Variants in UNC13C observed in about 807,000 individuals in gnomAD.
UNC13C encodes the protein unc-13 homolog C, also known as protein unc-13 homolog C.
In UNC13C, 174 loss-of-function variants were observed where a neutral mutation model predicts 245.4. The ratio of observed to expected loss-of-function variants is 0.71; its 90% CI spans 0.63 to 0.80. UNC13C has a LOEUF of 0.80. Among genes scored for constraint, UNC13C ranks in the 30% least tolerant of loss-of-function variants. The probability of loss-of-function intolerance (pLI) is 0.00; values close to 1 mark genes in which losing one functional copy is unlikely to be tolerated. For synonymous variants in UNC13C, 992 were observed against 895.1 expected, an observed-to-expected ratio of 1.11 and a Z score of -1.93; for missense variants, 2,829 against 2,602.9, an observed-to-expected ratio of 1.09 and a Z score of -1.89.
intron 13 of UNC13C, among the ~76,000 whole-genome samples, chr15:54,301,911 T>C (rs2037594156): frequency 6.6e-6 from 1 of 152,188 alleles, no homozygotes. Context: ...ATCAACAGTG[T>C]AAAAGCATTC....
At chr15:54,098,699 A>T (rs2141150702) in intron 2 of UNC13C, among the ~76,000 whole-genome samples, 1 of 152,330 alleles carries the variant, frequency 6.6e-6, no homozygotes, top group Middle Eastern at 3.4e-3. Flanking sequence ...ACAGCTGATA[A>T]ATGTGTACTG....
At chr15:54,057,600 A>C (rs536467395) in intron 2 of UNC13C, among the ~76,000 whole-genome samples, 96 of 152,326 alleles carry the variant, frequency 6.3e-4, no homozygotes, top group African/African-American at 2.1e-3. Context: ...TCAGCTCTGC[A>C]CCAAGTGGAC....
chr15:53,899,842 T>A, the UNC13C span, among the ~76,000 whole-genome samples: 8 of 152,180 alleles, frequency 5.3e-5, no homozygotes, highest in Non-Finnish European at 1.2e-4. Flanking sequence ...GCAGTCTCTC[T>A]GCTTCTGAGA....
intron 29 of UNC13C, among the ~76,000 whole-genome samples, chr15:54,561,754 A>G (rs78172840): frequency 0.025 from 3,760 of 152,118 alleles, 80 homozygotes; most frequent in East Asian, 0.12. Flanking sequence ...CCAATAGGGA[A>G]TCTTAAGGAA....
At chr15:54,110,422 G>A (rs752452410) in intron 2 of UNC13C, among the ~76,000 whole-genome samples, 3 of 152,076 alleles carry the variant, frequency 2.0e-5, no homozygotes, top group African/African-American at 7.2e-5. Flanking sequence ...CTGTTTGTTA[G>A]GTCAAATGAG....
chr15:54,384,735 C>A (rs1477964540), intron 17 of UNC13C, among the ~76,000 whole-genome samples: 2 of 151,926 alleles, frequency 1.3e-5, no homozygotes, highest in African/African-American at 4.8e-5. Flanking sequence ...TCCTCTTGAA[C>A]TAAAGAAAAT....
In UNC13C at chr15:54,291,015, TTCTA is replaced by T. The variant is rs959144333; in HGVS notation, c.3819-2876_3819-2873del. Among the ~76,000 whole-genome samples the T allele has an allele frequency of 5.3e-5, 8 of 152,208 alleles. No individual in the cohort carries two copies. In the South Asian group the frequency reaches 6.2e-4, roughly 12 times the overall value. On this transcript the variant is annotated intron_variant, in intron 10 of 32. Transcript: ENST00000260323. Reference sequence around the variant, plus strand: ...GTATCTTTTGCTACTCTAAAATGCCTTCTATCTTTTTCTAAGATAAGAATGAAAT... The same window carrying T: ...GTATCTTTTGCTACTCTAAAATGCCTTCTTTTTCTAAGATAAGAATGAAAT...
chr15:53,864,723 C>A, the UNC13C span, among the ~76,000 whole-genome samples: 5 of 152,168 alleles, frequency 3.3e-5, no homozygotes, highest in Non-Finnish European at 4.4e-5. Context: ...GAAATACCCT[C>A]TTCCTAGATT....
At chr15:54,503,418 C>T (rs1431073861) in intron 22 of UNC13C, among the ~76,000 whole-genome samples, 1 of 142,484 alleles carries the variant, frequency 7.0e-6, no homozygotes, top group African/African-American at 2.6e-5. Context: ...ATCCATTTTA[C>T]CATTATCAGC....
intron 18 of UNC13C, among the ~76,000 whole-genome samples, chr15:54,413,371 A>G (rs1451477619): frequency 6.6e-6 from 1 of 152,114 alleles, no homozygotes; most frequent in Non-Finnish European, 1.5e-5. Context: ...AAGTACTCTT[A>G]TTATATCACT....
chr15:53,853,999 T>TGAGA, the UNC13C span, among the ~76,000 whole-genome samples: 1 of 152,194 alleles, frequency 6.6e-6, no homozygotes, highest in African/African-American at 2.4e-5. Context: ...TTTAGTTTAA[T>TGAGA]GAGATCCCAT....
intron 26 of UNC13C, among the ~76,000 whole-genome samples, chr15:54,543,086 C>T (rs1896321024): frequency 6.6e-6 from 1 of 152,134 alleles, no homozygotes. Context: ...GCAGTTTCTT[C>T]ATAGTGTCAA....
chr15:54,223,183 T>A (rs968565459), intron 4 of UNC13C, among the ~76,000 whole-genome samples: 1 of 151,784 alleles, frequency 6.6e-6, no homozygotes, highest in Admixed American at 6.6e-5. Context: ...CCAATGTCCT[T>A]GAGAGTTTCC....
chr15:53,856,692 G>C, the UNC13C span, among the ~76,000 whole-genome samples: 11 of 152,112 alleles, frequency 7.2e-5, no homozygotes, highest in Non-Finnish European at 1.5e-4. Flanking sequence ...ATTTGCTGAG[G>C]AGTGTTTTCA....
chr15:54,399,378 T>C (rs1327187107), intron 18 of UNC13C, among the ~76,000 whole-genome samples: 1 of 151,752 alleles, frequency 6.6e-6, no homozygotes, highest in Non-Finnish European at 1.5e-5. Context: ...TGCCTAAAAG[T>C]AAGAAATCTT....
At chr15:53,955,538 A>T in the UNC13C span, among the ~76,000 whole-genome samples, 1 of 152,338 alleles carries the variant, frequency 6.6e-6, no homozygotes, top group South Asian at 2.1e-4. Context: ...TGGCTGAAAC[A>T]CAATGAAAGT....
intron 19 of UNC13C, among the ~76,000 whole-genome samples, chr15:54,480,086 C>A (rs1168838554): frequency 2.0e-5 from 3 of 152,014 alleles, no homozygotes; most frequent in African/African-American, 7.2e-5. Flanking sequence ...TTTTTCCTTA[C>A]TGTTTGGAGA....
chr15:54,415,370 A>T (rs920055067), intron 19 of UNC13C, among the ~76,000 whole-genome samples: 1 of 152,290 alleles, frequency 6.6e-6, no homozygotes, highest in East Asian at 1.9e-4. Context: ...AGCAGGCCAT[A>T]TTGAGGGGGT....
intron 4 of UNC13C, among the ~76,000 whole-genome samples, chr15:54,215,883 T>C (rs963918724): frequency 1.3e-5 from 2 of 152,002 alleles, no homozygotes; most frequent in Non-Finnish European, 1.5e-5. Context: ...TTTAATCATG[T>C]CCGTTTCATG....
Sources: allele counts gnomAD v4.1 joint callset (sites outside exome capture counted in the v4.1 genomes callset), GRCh38; gene constraint gnomAD v4.1.1; transcripts MANE v1.5; gene names NCBI Gene and HGNC (gene_info 2026-07-23, HGNC 2026-07-21).